Variants in TBCK observed in about 807,000 individuals in gnomAD.
The protein encoded by TBCK is TBC domain-containing protein kinase-like protein.
A neutral mutation model predicts 113.4 loss-of-function variants in TBCK; 99 were observed. The ratio of observed to expected loss-of-function variants is 0.87; its 90% CI spans 0.74 to 1.03. The LOEUF (loss-of-function observed/expected upper bound fraction) is 1.03, where lower values mean the gene tolerates loss of function less well. Ranked by LOEUF, TBCK falls within the 50% of genes least tolerant of loss-of-function variation. TBCK has a pLI of 0.00. For missense variants in TBCK, 1,045 were observed against 1,061.3 expected, an observed-to-expected ratio of 0.98 and a Z score of 0.21; for synonymous variants, 369 against 370.8, an observed-to-expected ratio of 1.00 and a Z score of 0.05.
chr4:106,133,808 T>A (rs12646485), intron 23 of TBCK, among the ~76,000 whole-genome samples: 19,758 of 151,510 alleles, frequency 0.13, 1,616 homozygotes, highest in South Asian at 0.24. Flanking sequence ...AAGTCAGGAG[T>A]TCGAGACAAG....
intron 23 of TBCK, among the ~76,000 whole-genome samples, chr4:106,133,525 C>A (rs575992197): frequency 6.5e-4 from 99 of 152,256 alleles, no homozygotes; most frequent in African/African-American, 2.3e-3. Context: ...GGCTTTCATG[C>A]ATTCAAGGCT....
chr4:106,053,620 C>T (rs1435245839), intron 25 of TBCK, among the ~76,000 whole-genome samples: 1 of 151,646 alleles, frequency 6.6e-6, no homozygotes. Flanking sequence ...GGTTTAAGTC[C>T]TATCTATACA....
chr4:106,094,519 GT>G (rs1740695100), intron 25 of TBCK, among the ~76,000 whole-genome samples: 1 of 152,022 alleles, frequency 6.6e-6, no homozygotes, highest in Non-Finnish European at 1.5e-5. Context: ...AAAAAATAAA[GT>G]TTTAAAGTTC....
At chr4:106,249,688 C>T (rs991336597) in intron 7 of TBCK, among the ~76,000 whole-genome samples, 2 of 152,100 alleles carry the variant, frequency 1.3e-5, no homozygotes, top group African/African-American at 2.4e-5. Flanking sequence ...ATTTAAGAAT[C>T]TCCAAGGCTT....
chr4:106,311,399 C>T (rs1442537778), intron 1 of TBCK, among the ~76,000 whole-genome samples: 1 of 151,766 alleles, frequency 6.6e-6, no homozygotes, highest in Non-Finnish European at 1.5e-5. Flanking sequence ...AAACTATAGC[C>T]ATATTTAATA....
At chr4:106,300,244 C>A (rs1766797224) in intron 2 of TBCK, among the ~76,000 whole-genome samples, 3 of 152,140 alleles carry the variant, frequency 2.0e-5, no homozygotes, top group African/African-American at 7.2e-5. Flanking sequence ...TTTTCCTGTA[C>A]AAATTACCTA....
chr4:106,072,654 T>C (rs1431452396), intron 25 of TBCK, among the ~76,000 whole-genome samples: 1 of 152,224 alleles, frequency 6.6e-6, no homozygotes, highest in East Asian at 1.9e-4. Flanking sequence ...CCTTGCTAGG[T>C]TGGGGAAGTT....
chr4:106,276,373 A>T (rs1334640529), intron 3 of TBCK, among the ~76,000 whole-genome samples: 1 of 152,234 alleles, frequency 6.6e-6, no homozygotes, highest in Non-Finnish European at 1.5e-5. Context: ...TATAAAAAGC[A>T]GTAACCACAG....
chr4:106,180,274 T>C (rs1186441336), intron 22 of TBCK, among the ~76,000 whole-genome samples: 1 of 152,074 alleles, frequency 6.6e-6, no homozygotes, highest in Non-Finnish European at 1.5e-5. Flanking sequence ...AATTTGCTAC[T>C]GTTATTTTAT....
At chr4:106,155,145 A>T (rs1202539472) in intron 23 of TBCK, among the ~76,000 whole-genome samples, 27 of 146,420 alleles carry the variant, frequency 1.8e-4, no homozygotes, top group Admixed American at 3.4e-4. Context: ...CTAGGGTAAA[A>T]TTTTTTTTTT....
intron 22 of TBCK, among the ~76,000 whole-genome samples, chr4:106,176,254 G>C (rs1458810993): frequency 6.6e-6 from 1 of 151,866 alleles, no homozygotes; most frequent in East Asian, 1.9e-4. Flanking sequence ...GCTGTCTATT[G>C]AACAACAGAG....
intron 22 of TBCK, among the ~76,000 whole-genome samples, chr4:106,183,662 C>G (rs982910877): frequency 2.0e-5 from 3 of 152,076 alleles, no homozygotes; most frequent in African/African-American, 7.2e-5. Context: ...TCCTGACCAG[C>G]AGTTCACACA....
chr4:106,076,585 T>C (rs1738215828), intron 25 of TBCK, among the ~76,000 whole-genome samples: 1 of 151,994 alleles, frequency 6.6e-6, no homozygotes, highest in Admixed American at 6.6e-5. Flanking sequence ...CCAAGGTAGA[T>C]GTGAAAGAAA....
chr4:106,308,690 T>C, intron 2 of TBCK, 78 bp downstream of exon 2: 1 of 1,311,016 alleles, frequency 7.6e-7, no homozygotes, highest in Non-Finnish European at 1.1e-6. Flanking sequence ...TAGCTTTATA[T>C]ATTTAGTGGA....
intron 25 of TBCK, among the ~76,000 whole-genome samples, chr4:106,070,558 G>C (rs1737282032): frequency 6.6e-6 from 1 of 152,080 alleles, no homozygotes; most frequent in Admixed American, 6.6e-5. Context: ...TTTTATTGAG[G>C]ATTTTCGCAT....
intron 23 of TBCK, among the ~76,000 whole-genome samples, chr4:106,167,525 A>G (rs1750536145): frequency 6.6e-6 from 1 of 151,646 alleles, no homozygotes; most frequent in Non-Finnish European, 1.5e-5. Context: ...AAAAATAAAA[A>G]TCAGAGCAGA....
chr4:106,197,411 G>GTGTGTGTATATATATATATATATATATA (rs35695611), intron 20 of TBCK, among the ~76,000 whole-genome samples: 1 of 122,446 alleles, frequency 8.2e-6, no homozygotes, highest in African/African-American at 3.1e-5. Flanking sequence ...GTGTGTGTGT[G>GTGTGTGTATATATATATATATATATATA]TATATATATA....
chr4:106,101,786 T>A (rs1413309495), intron 24 of TBCK, among the ~76,000 whole-genome samples: 1 of 152,116 alleles, frequency 6.6e-6, no homozygotes, highest in Non-Finnish European at 1.5e-5. Context: ...ATAAATTGGA[T>A]CCACAATTAC....
intron 2 of TBCK, among the ~76,000 whole-genome samples, chr4:106,303,648 G>A (rs1388968347): frequency 6.6e-6 from 1 of 152,102 alleles, no homozygotes; most frequent in Non-Finnish European, 1.5e-5. Flanking sequence ...AGGACTTAGG[G>A]TCAGACAACC....
Sources: gnomAD v4.1 joint callset for allele counts (sites outside exome capture counted in the v4.1 genomes callset) on GRCh38, gnomAD v4.1.1 for gene constraint, MANE v1.5 for transcripts, NCBI Gene and HGNC (gene_info 2026-07-23, HGNC 2026-07-21) for gene names.